SLC22A3: variants seen among roughly 807,000 people sequenced by gnomAD.
SLC22A3 encodes the protein EMT organic cation transporter 3.
SLC22A3 carries 51 observed loss-of-function variants against 59.1 expected under a neutral mutation model. The observed-to-expected ratio is 0.86, with a 90% confidence interval of 0.69 to 1.09. The LOEUF (loss-of-function observed/expected upper bound fraction) is 1.09. Ranked by LOEUF, SLC22A3 falls within the 50% of genes least tolerant of loss-of-function variation. The pLI, the probability that SLC22A3 is intolerant of heterozygous loss-of-function variation, is 0.00. For missense variants in SLC22A3, 711 were observed against 726.3 expected (o/e 0.98, Z 0.24); for synonymous variants, 325 against 292.0 (o/e 1.11, Z -1.15).
At chr6:160,413,446 C>T (rs1005388910) in intron 5 of SLC22A3, among the ~76,000 whole-genome samples, 2 of 152,220 alleles carry the variant, frequency 1.3e-5, no homozygotes, top group African/African-American at 2.4e-5. Flanking sequence ...TATCCCTCAG[C>T]TCCAACAGTT....
intron 5 of SLC22A3, among the ~76,000 whole-genome samples, chr6:160,412,011 T>A (rs1186933616): frequency 4.6e-5 from 7 of 152,188 alleles, no homozygotes; most frequent in Non-Finnish European, 1.0e-4. Flanking sequence ...CATTGTTTTC[T>A]TCATAGCATT....
chr6:160,369,298 T>C (rs1449306415), intron 1 of SLC22A3, among the ~76,000 whole-genome samples: 2 of 152,260 alleles, frequency 1.3e-5, no homozygotes, highest in Non-Finnish European at 2.9e-5. Context: ...ATGGATATCA[T>C]ACAAATAATG....
At chr6:160,431,082 A>T (rs549288660) in intron 5 of SLC22A3, among the ~76,000 whole-genome samples, 2 of 152,350 alleles carry the variant, frequency 1.3e-5, no homozygotes, top group African/African-American at 4.8e-5. Context: ...AGTTTATTGT[A>T]CATAAATTAC....
chr6:160,429,312 T>TTTC (rs1467091546), intron 5 of SLC22A3, among the ~76,000 whole-genome samples: 5 of 152,224 alleles, frequency 3.3e-5, no homozygotes, highest in African/African-American at 1.2e-4. Context: ...ATACGTTTTC[T>TTTC]TTCTTATTGG....
At chr6:160,427,821 A>G (rs552764127) in intron 5 of SLC22A3, among the ~76,000 whole-genome samples, 1 of 152,278 alleles carries the variant, frequency 6.6e-6, no homozygotes. Flanking sequence ...GGAACTCAAA[A>G]TTTTGTGTAT....
chr6:160,370,378 CAT>C (rs946702133), intron 1 of SLC22A3, among the ~76,000 whole-genome samples: 6 of 152,352 alleles, frequency 3.9e-5, no homozygotes, highest in Non-Finnish European at 5.9e-5. Context: ...CCAGTCCAAA[CAT>C]GTGTGGGCAC....
intron 5 of SLC22A3, among the ~76,000 whole-genome samples, chr6:160,411,180 A>T (rs1056587737): frequency 6.6e-6 from 1 of 152,206 alleles, no homozygotes; most frequent in African/African-American, 2.4e-5. Context: ...TTGAATTATT[A>T]TACTTTACTT....
chr6:160,422,142 T>C (rs1787765006), intron 5 of SLC22A3, among the ~76,000 whole-genome samples: 1 of 152,160 alleles, frequency 6.6e-6, no homozygotes, highest in Non-Finnish European at 1.5e-5. Flanking sequence ...AAATTATCTT[T>C]CTTCATGAAA....
chr6:160,436,948 T>C (rs757604724), intron 6 of SLC22A3, 49 bp from the exon 7 acceptor site: 1 of 1,612,718 alleles, frequency 6.2e-7, no homozygotes, highest in South Asian at 1.1e-5. Context: ...TCAAATCAGC[T>C]TGAAGTTATC....
intron 2 of SLC22A3, among the ~76,000 whole-genome samples, chr6:160,405,064 T>C (rs762443394): frequency 2.7e-4 from 41 of 152,034 alleles, no homozygotes; most frequent in Non-Finnish European, 5.7e-4. Context: ...TCATTAAAAT[T>C]GAAATTTTCT....
chr6:160,395,179 A>T (rs1003480842), intron 1 of SLC22A3, among the ~76,000 whole-genome samples: 1 of 152,234 alleles, frequency 6.6e-6, no homozygotes, highest in Non-Finnish European at 1.5e-5. Context: ...ATATAAGAGA[A>T]ATCCTATTTG....
chr6:160,370,416 G>A (rs534214488), intron 1 of SLC22A3, among the ~76,000 whole-genome samples: 1 of 152,294 alleles, frequency 6.6e-6, no homozygotes, highest in African/African-American at 2.4e-5. Flanking sequence ...GGGTATCCAC[G>A]TGAATGTCTC....
intron 1 of SLC22A3, among the ~76,000 whole-genome samples, chr6:160,365,638 CA>C (rs1290308649): frequency 6.6e-6 from 1 of 152,048 alleles, no homozygotes; most frequent in Non-Finnish European, 1.5e-5. Context: ...TACACTTGAA[CA>C]AAAAATGTGG....
chr6:160,355,428 G>A (rs914653303), intron 1 of SLC22A3, among the ~76,000 whole-genome samples: 2 of 152,204 alleles, frequency 1.3e-5, no homozygotes, highest in Non-Finnish European at 2.9e-5. Flanking sequence ...CTCCCCTTGG[G>A]CTCTTGTGTG....
intron 1 of SLC22A3, among the ~76,000 whole-genome samples, chr6:160,382,663 T>G (rs1315829694): frequency 6.6e-6 from 1 of 152,192 alleles, no homozygotes; most frequent in Non-Finnish European, 1.5e-5. Flanking sequence ...TGATAATGCC[T>G]GGGGCTGGGA....
chr6:160,413,053 ATAGAAAGGAATC>A (rs1562491033), intron 5 of SLC22A3, among the ~76,000 whole-genome samples: 1 of 152,172 alleles, frequency 6.6e-6, no homozygotes, highest in Non-Finnish European at 1.5e-5. Context: ...AAATAAGAAT[ATAGAAAGGAATC>A]TAGAAAGGAA....
At chr6:160,377,028 G>A (rs1290246667) in intron 1 of SLC22A3, among the ~76,000 whole-genome samples, 1 of 152,156 alleles carries the variant, frequency 6.6e-6, no homozygotes, top group Non-Finnish European at 1.5e-5. Flanking sequence ...CCAACACCTG[G>A]CAAGGACAGC....
intron 5 of SLC22A3, 135 bp downstream of exon 5, chr6:160,410,981 T>C: frequency 2.0e-6 from 1 of 499,650 alleles, no homozygotes; most frequent in South Asian, 2.2e-5. Context: ...TATGTATGTA[T>C]ATATGTATAC....
At chr6:160,349,411 A>G (rs1281129185) in intron 1 of SLC22A3, among the ~76,000 whole-genome samples, 1 of 152,240 alleles carries the variant, frequency 6.6e-6, no homozygotes, top group Admixed American at 6.5e-5. Context: ...TGGTTTTGGT[A>G]AAATTGCTTT....
Sources: gnomAD v4.1 joint callset for allele counts (sites outside exome capture counted in the v4.1 genomes callset) on GRCh38, gnomAD v4.1.1 for gene constraint, MANE v1.5 for transcripts, NCBI Gene and HGNC (gene_info 2026-07-23, HGNC 2026-07-21) for gene names.